The following NCSTN variants were observed in gnomAD, a reference collection of about 807,000 sequenced individuals.
The protein encoded by NCSTN is nicastrin, also known as anterior pharynx-defective 2.
A neutral mutation model predicts 87.0 loss-of-function variants in NCSTN; 22 were observed. That is an observed-to-expected ratio of 0.25 (90% confidence interval 0.18 to 0.36). The LOEUF is 0.36. Ranked by LOEUF, NCSTN falls within the 10% of genes least tolerant of loss-of-function variation. The pLI is 1.00. For missense variants in NCSTN, 693 were observed against 883.3 expected, an observed-to-expected ratio of 0.78 and a Z score of 2.73; for synonymous variants, 306 against 327.1, an observed-to-expected ratio of 0.94 and a Z score of 0.69.
intron 11 of NCSTN, among the ~76,000 whole-genome samples, chr1:160,354,966 A>G (rs762030202): frequency 2.0e-5 from 3 of 152,154 alleles, no homozygotes; most frequent in African/African-American, 7.2e-5. Flanking sequence ...CTTCTCATTC[A>G]TTTAGGGGAG....
intron 8 of NCSTN, 112 bp from the exon 9 acceptor site, chr1:160,352,775 A>G (rs1648930707): frequency 1.2e-6 from 1 of 809,196 alleles, no homozygotes; most frequent in Non-Finnish European, 2.2e-6. Context: ...CTAGCAGTTG[A>G]GGTGACCTGA....
In NCSTN at chr1:160,351,486, G is replaced by C. The variant is rs1257253989; in HGVS notation, c.733+114G>C. The C allele has an allele frequency of 5.1e-6, 7 of 1,367,138 alleles. No homozygotes were observed. In the Admixed American group the frequency reaches 1.1e-4, roughly 22 times the overall value. The allele number at this position is 1,367,138 out of a possible 1,614,324, so 84.7% of individuals were successfully genotyped here. ...GGGAAGGAGTAGACACCATGAAGGA[G>C]CTCTGCATGGGAGAACTAGAAACAA... On this transcript the variant is annotated intron_variant, in intron 6 of 16. Coordinates refer to ENST00000294785, the MANE Select transcript of NCSTN (RefSeq NM_015331.3).
At chr1:160,352,485 C>T (rs1025777099) in intron 8 of NCSTN, among the ~76,000 whole-genome samples, 3 of 152,194 alleles carry the variant, frequency 2.0e-5, no homozygotes, top group Admixed American at 6.5e-5. Flanking sequence ...TACTTTTATT[C>T]TCTGGACTCC....
At chr1:160,352,341 ATGT>A in intron 8 of NCSTN, 135 bp downstream of exon 8, 1 of 1,080,078 alleles carries the variant, frequency 9.3e-7, no homozygotes. Context: ...ATGTGTCTAC[ATGT>A]GTCTCCCCTT....
chr1:160,354,090 A>G, intron 10 of NCSTN, 28 bp from the exon 11 acceptor site: 1 of 1,609,776 alleles, frequency 6.2e-7, no homozygotes, highest in African/African-American at 1.3e-5. Context: ...CCAGCCTCCC[A>G]TCAGTTAATC....
intron 3 of NCSTN, 143 bp from the exon 4 acceptor site, chr1:160,349,406 C>A: frequency 8.0e-7 from 1 of 1,248,724 alleles, no homozygotes; most frequent in Non-Finnish European, 1.2e-6. Context: ...ATTGTCCAGA[C>A]TCAGAATTTA....
chr1:160,354,629 C>T (rs957208636), intron 11 of NCSTN, among the ~76,000 whole-genome samples: 4 of 152,116 alleles, frequency 2.6e-5, no homozygotes, highest in African/African-American at 9.7e-5. Context: ...ATGGTGGGGG[C>T]CCTTTGGCTA....
At chr1:160,353,296 C>A (rs1334964972) in intron 10 of NCSTN, 59 bp downstream of exon 10, 1 of 1,612,410 alleles carries the variant, frequency 6.2e-7, no homozygotes, top group Non-Finnish European at 8.5e-7. Flanking sequence ...AGACCCCAAC[C>A]CCTGCCCTGT....
At chr1:160,347,884 G>C (rs541282735) in intron 2 of NCSTN, among the ~76,000 whole-genome samples, 1 of 152,328 alleles carries the variant, frequency 6.6e-6, no homozygotes, top group Admixed American at 6.5e-5. Context: ...AAAGTACTGG[G>C]ATTACAGGCA....
chr1:160,348,489 A>G (rs942045175), intron 2 of NCSTN, among the ~76,000 whole-genome samples: 4 of 152,234 alleles, frequency 2.6e-5, no homozygotes, highest in Non-Finnish European at 4.4e-5. Context: ...TAGAAACCTC[A>G]GAGTTCTTGA....
intron 1 of NCSTN, chr1:160,344,406 C>T (rs1229318858): frequency 2.2e-6 from 3 of 1,381,718 alleles, no homozygotes; most frequent in South Asian, 1.5e-5. Context: ...AGTGTGATCA[C>T]CTGTGCAACC....
Position 160,347,615 on chromosome 1 carries a change from T to G in NCSTN, c.191-1384T>G, listed in dbSNP as rs372273681. On this transcript the variant is annotated intron_variant, in intron 2 of 16. Coordinates refer to ENST00000294785, the MANE Select transcript of NCSTN (RefSeq NM_015331.3). ...CCTCGCTGGAGTTGAAGTTTTGGGG[T>G]GTGTGTGTGTGTGTGTCAGAGTCTC... Among the ~76,000 whole-genome samples, 143 of 151,252 alleles carry G rather than the reference T, an allele frequency of 9.5e-4. 1 individual carries two copies. The highest frequency in any genetic ancestry group is 2.2e-3 in the African/African-American group (92 of 41,302).
chr1:160,356,284 C>T lies in NCSTN; in HGVS notation c.1576C>T (p.Leu526=), dbSNP rs769753098. The stretch of plus-strand genomic sequence containing the variant: ...GGTTACCCGCCTGCTCTATGGGTTC[C>T]TGATTAAAGCCAACAACTCATGGTT... The part of the protein sequence containing the change: ...QTVTRLLYGF[L]IKANNSWFQS... The change falls in exon 14 of 17, where the codon CTG becomes TTG. Residue 526 remains leucine, a synonymous_variant. Transcript: ENST00000294785. 3 of 1,613,746 alleles carry T rather than the reference C, an allele frequency of 1.9e-6. No homozygotes were observed. Among genetic ancestry groups the T allele is most frequent in the Non-Finnish European group, 2.5e-6 (3 of 1,179,610 alleles).
intron 13 of NCSTN, 38 bp from the exon 14 acceptor site, chr1:160,356,222 A>T: frequency 6.6e-7 from 1 of 1,519,874 alleles, no homozygotes; most frequent in Non-Finnish European, 9.1e-7. Context: ...GCTCCCTTCA[A>T]GTCACAGGGT....
Position 160,354,115 on chromosome 1 carries a change from C to T in NCSTN, c.1180-3C>T, listed in dbSNP as rs1418386630. 2 of 1,614,016 alleles carry T rather than the reference C, an allele frequency of 1.2e-6. No individual in the cohort carries two copies. Among genetic ancestry groups the T allele is most frequent in the Non-Finnish European group, 1.7e-6 (2 of 1,179,912 alleles). ...ATCAGTTAATCTCCCTCGTACCCCC[C>T]AGGTGGAGGATCTCCTGGCCACATT... On this transcript the variant is annotated splice_region_variant and splice_polypyrimidine_tract_variant and intron_variant, in intron 10 of 16. Transcript: ENST00000294785.
chr1:160,353,703 T>C, intron 10 of NCSTN: 1 of 985,354 alleles, frequency 1.0e-6, no homozygotes, highest in Non-Finnish European at 1.2e-6. Context: ...AATTCCAGCC[T>C]TCAGCATCAT....
Position 160,356,334 on chromosome 1 carries a change from A to G in NCSTN, c.1626A>G (p.Leu542=). The G allele has an allele frequency of 6.2e-7, 1 of 1,609,712 alleles. No individual in the cohort carries two copies. The highest frequency in any genetic ancestry group is 8.5e-7 in the Non-Finnish European group (1 of 1,175,880). The change falls in exon 14 of 17, where the codon CTA becomes CTG. Residue 542 remains leucine, a synonymous_variant. Coordinates refer to ENST00000294785, the MANE Select transcript of NCSTN (RefSeq NM_015331.3). ...TCCAGTCTATCCTCAGGCAGGACCTAAGGTCCTACTTGGGTAAGCATCTGG... is the reference window on the plus strand; with the variant it reads ...TCCAGTCTATCCTCAGGCAGGACCTGAGGTCCTACTTGGGTAAGCATCTGG... ...SWFQSILRQD[L]RSYLGDGPLQ...
At chr1:160,353,121 A>C in intron 9 of NCSTN, 39 bp from the exon 10 acceptor site, 1 of 1,606,068 alleles carries the variant, frequency 6.2e-7, no homozygotes, top group African/African-American at 1.3e-5. Context: ...CCAGAACAGG[A>C]GACTGATTCT....
At position 160,354,270 on chromosome 1, in the gene NCSTN, C is replaced by T. The variant is rs200505202; in HGVS notation, c.1332C>T (p.His444=). The T allele has an allele frequency of 9.3e-6, 15 of 1,614,066 alleles. No individual in the cohort carries two copies. Among genetic ancestry groups the T allele is most frequent in the African/African-American group, 1.3e-5 (1 of 74,914 alleles). Reference sequence around the variant, plus strand: ...TCTCTGGCGTTGTTCTGGCTGACCACTCTGGTGCCTTCCATAACAAGTAAG... The same window carrying T: ...TCTCTGGCGTTGTTCTGGCTGACCATTCTGGTGCCTTCCATAACAAGTAAG... ...RNISGVVLAD[H]SGAFHNKYYQ... is the part of the protein sequence containing the mutation. Residue 444 remains histidine, a synonymous_variant, in exon 11 of 17, where the codon CAC becomes CAT. Coordinates refer to ENST00000294785, the MANE Select transcript of NCSTN (RefSeq NM_015331.3).
Sources: gnomAD v4.1 joint callset for allele counts (sites outside exome capture counted in the v4.1 genomes callset) on GRCh38, gnomAD v4.1.1 for gene constraint, MANE v1.5 for transcripts, NCBI Gene and HGNC (gene_info 2026-07-23, HGNC 2026-07-21) for gene names.